Variants in LMO3 observed in about 807,000 individuals in gnomAD.
LMO3 encodes LIM domain only protein 3.
Under a neutral mutation model 15.8 loss-of-function variants are expected in LMO3, and 2 were observed. The observed-to-expected ratio is 0.13, with a 90% CI of 0.05 to 0.40. The LOEUF is 0.40. LMO3 is among the 10% of genes least tolerant of loss of function. LMO3 has a pLI of 0.99. For missense variants in LMO3, 86 were observed against 182.2 expected (o/e 0.47, Z 3.04); for synonymous variants, 62 against 63.8 (o/e 0.97, Z 0.13).
intron 1 of LMO3, chr12:16,605,323 G>A: frequency 1.7e-6 from 2 of 1,161,264 alleles, no homozygotes; most frequent in Non-Finnish European, 2.1e-6. Context: ...ACAGCAATCT[G>A]AGTAGTCCCC....
intron 1 of LMO3, chr12:16,605,807 T>A (rs1293700430): frequency 1.1e-5 from 17 of 1,535,424 alleles, no homozygotes; most frequent in Non-Finnish European, 1.4e-5. Flanking sequence ...CCTCCTTCCA[T>A]CAACATCTTC....
chr12:16,558,789 G>A (rs1942285779), intron 3 of LMO3, among the ~76,000 whole-genome samples: 1 of 152,110 alleles, frequency 6.6e-6, no homozygotes, highest in Non-Finnish European at 1.5e-5. Context: ...CAAGTTAATG[G>A]AATATTATTT....
rs528104157 is a variant in LMO3, at chr12:16,591,278, C to T, written c.206+9377G>A. 1.4e-4 allele frequency among the ~76,000 whole-genome samples: 21 copies of T among 152,068 alleles called. No homozygotes were observed. In the South Asian group the frequency reaches 3.1e-3, roughly 23 times the overall value. On this transcript the variant is annotated intron_variant, in intron 2 of 3. Transcript: ENST00000537304. This position sits in a 1 kb window ranked among gnomAD's most constrained non-coding sequence, Gnocchi z 4.1. ...CCTCAGGGCCTTTGTACTGGATGTT[C>T]CTGAGCCCAGAATGTCCTTCCCATA...
rs529341029 is a variant in LMO3, at chr12:16,555,850, G to T, written c.333-4523C>A. On this transcript the variant is annotated intron_variant, in intron 3 of 3. Transcript: ENST00000537304. The surrounding 1 kb of genome is among the most constrained non-coding windows in gnomAD (Gnocchi z 5.5). The stretch of plus-strand genomic sequence containing the variant: ...CCCTCATCTTCCCCAACCCCGAGCA[G>T]ACACACTTCCTGTAAGTCAACCAGT... Among the ~76,000 whole-genome samples, 4 of 152,224 alleles carry T rather than the reference G, an allele frequency of 2.6e-5. No homozygotes were observed. In the South Asian group the frequency reaches 8.3e-4, roughly 32 times the overall value.
At chr12:16,605,208 A>G in intron 1 of LMO3, 1 of 1,323,676 alleles carries the variant, frequency 7.6e-7, no homozygotes, top group Non-Finnish European at 9.7e-7. Flanking sequence ...GGCCCCTTTT[A>G]GCTTCCTGGT....
chr12:16,549,651 GA>G lies in LMO3; in HGVS notation c.*1570del, dbSNP rs1048610207. Reference sequence around the variant, plus strand: ...TGATCAAGAAAAAAACAAAGAAAAAGAAAACCCATAGCACTAAGTTTGCTGT... The same window carrying G: ...TGATCAAGAAAAAAACAAAGAAAAAGAAACCCATAGCACTAAGTTTGCTGT... On this transcript the variant is annotated 3_prime_UTR_variant, in exon 4 of 4. Coordinates refer to ENST00000537304, the MANE Select transcript of LMO3 (RefSeq NM_018640.5). 11 of 152,190 alleles carry G rather than the reference GA, an allele frequency of 7.2e-5. No homozygotes were observed. 9.4% of individuals were successfully genotyped at this position (152,190 alleles called of 1,614,324 possible). A position where few individuals can be genotyped will look rare whatever the true frequency, so the allele number is the denominator to read the frequency against.
In LMO3 at chr12:16,587,783, A is replaced by G. The variant is rs564196517; in HGVS notation, c.206+12872T>C. 6.6e-6 allele frequency among the ~76,000 whole-genome samples: 1 copy of G among 152,114 alleles called. No individual in the cohort carries two copies. The highest frequency in any genetic ancestry group is 1.9e-4 in the East Asian group (1 of 5,156). On this transcript the variant is annotated intron_variant, in intron 2 of 3. Transcript: ENST00000537304. The surrounding 1 kb of genome is among the most constrained non-coding windows in gnomAD (Gnocchi z 4.3). ...GGTTCTCTTAGCATTTATCTGTCTA[A>G]AAATCTCACTGTGTCCTGAATGGGG...
chr12:16,560,394 C>T lies in LMO3; in HGVS notation c.332+19G>A. 4 of 1,607,610 alleles carry T rather than the reference C, an allele frequency of 2.5e-6. No individual in the cohort carries two copies. The highest frequency in any genetic ancestry group is 3.4e-6 in the Non-Finnish European group (4 of 1,177,328). On this transcript the variant is annotated intron_variant, in intron 3 of 3. Coordinates refer to ENST00000537304, the MANE Select transcript of LMO3 (RefSeq NM_018640.5). This position sits in a 1 kb window ranked among gnomAD's most constrained non-coding sequence, Gnocchi z 5.0. ...GAGAGGTTAACCATTTCTTAGAGAC[C>T]AAAAAGAGACCTGCTTACCTCTGAT...
At position 16,605,436 on chromosome 12, in the gene LMO3, G is replaced by GCCCCCCCCCCCCC. The variant is rs56405071; in HGVS notation, c.-9+629_-9+630insGGGGGGGGGGGGG. ...TAGCCACTTCTGCCCCTACCCGCCT[G>GCCCCCCCCCCCCC]CCCCCCCCCCCCGCCCCCATGCCCA... On this transcript the variant is annotated intron_variant, in intron 1 of 3. Transcript: ENST00000537304. 14 of 372,618 alleles carry GCCCCCCCCCCCCC rather than the reference G, an allele frequency of 3.8e-5. No individual in the cohort carries two copies. The Admixed American group carries it at 5.1e-4, about 14-fold the overall frequency. 23.1% of individuals were successfully genotyped at this position (372,618 alleles called of 1,614,324 possible). A position where few individuals can be genotyped will look rare whatever the true frequency, so the allele number is the denominator to read the frequency against.
At chr12:16,595,092 A>G (rs1414398061) in intron 2 of LMO3, among the ~76,000 whole-genome samples, 2 of 151,530 alleles carry the variant, frequency 1.3e-5, no homozygotes, top group South Asian at 2.1e-4. Context: ...TAAGTCAGGT[A>G]TGTCTAACTT....
Position 16,598,890 on chromosome 12 carries a change from GT to G in LMO3, c.206+1764del, listed in dbSNP as rs1943738688. The G allele has an allele frequency of 7.1e-6, 2 of 282,272 alleles. No individual in the cohort carries two copies. Among genetic ancestry groups the G allele is most frequent in the South Asian group, 6.2e-5 (2 of 32,190 alleles). The allele number at this position is 282,272 out of a possible 1,614,324, so 17.5% of individuals were successfully genotyped here. On this transcript the variant is annotated intron_variant, in intron 2 of 3. Coordinates refer to ENST00000537304, the MANE Select transcript of LMO3 (RefSeq NM_018640.5). The surrounding 1 kb of genome is among the most constrained non-coding windows in gnomAD (Gnocchi z 4.3). ...AAGTTTACTTAATTTTTGTCCTTTG[GT>G]TTATTAAAACACCTTAACATTGCCC...
intron 2 of LMO3, among the ~76,000 whole-genome samples, chr12:16,564,573 C>A (rs576902682): frequency 6.6e-6 from 1 of 152,300 alleles, no homozygotes; most frequent in South Asian, 2.1e-4. Context: ...TTTTATTTCA[C>A]AGCACCAGAT....
At chr12:16,564,862 T>G (rs1351517131) in intron 2 of LMO3, among the ~76,000 whole-genome samples, 1 of 152,192 alleles carries the variant, frequency 6.6e-6, no homozygotes, top group Non-Finnish European at 1.5e-5. Flanking sequence ...CATGAGTCAC[T>G]GCAGCCTTGA....
rs1252689746 is a variant in LMO3 at position 16,555,947 on chromosome 12, G to A, written c.332+4466C>T. On this transcript the variant is annotated intron_variant, in intron 3 of 3. Transcript: ENST00000537304. This position sits in a 1 kb window ranked among gnomAD's most constrained non-coding sequence, Gnocchi z 5.5. ...CTTCCCTAACACTTCAAGAAGGATG[G>A]CTCTCTCTTCCCTCAGTATAGCTCT... Among the ~76,000 whole-genome samples the A allele has an allele frequency of 6.6e-6, 1 of 151,900 alleles. No individual in the cohort carries two copies. The highest frequency in any genetic ancestry group is 1.9e-4 in the East Asian group (1 of 5,176).
At chr12:16,590,823 C>A (rs903340308) in intron 2 of LMO3, among the ~76,000 whole-genome samples, 1 of 151,942 alleles carries the variant, frequency 6.6e-6, no homozygotes, top group African/African-American at 2.4e-5. Flanking sequence ...CTATATCATC[C>A]CCCTTAGATT....
rs1943885800 is a variant in LMO3 at position 16,603,309 on chromosome 12, A to AAATGG, written c.-8-2446_-8-2442dup. Among the ~76,000 whole-genome samples, 5 of 152,340 alleles carry AAATGG rather than the reference A, an allele frequency of 3.3e-5. No homozygotes were observed. The South Asian group carries it at 8.3e-4, about 25-fold the overall frequency. ...AAGAACATCATGGCAATTCTCTTGA[A>AAATGG]AATGGAATCTCTTGAATTCCATGCA... On this transcript the variant is annotated intron_variant, in intron 1 of 3. Coordinates refer to ENST00000537304, the MANE Select transcript of LMO3 (RefSeq NM_018640.5). This position sits in a 1 kb window ranked among gnomAD's most constrained non-coding sequence, Gnocchi z 4.9.
At chr12:16,605,752 TCC>T in intron 1 of LMO3, 1 of 1,534,750 alleles carries the variant, frequency 6.5e-7, no homozygotes, top group Non-Finnish European at 8.7e-7. Context: ...TTGACTATTA[TCC>T]ACTCGAGTCG....
chr12:16,598,688 C>A lies in LMO3; in HGVS notation c.206+1967G>T, dbSNP rs1943732555. 6.5e-6 allele frequency: 1 copy of A among 154,598 alleles called. No individual in the cohort carries two copies. Among genetic ancestry groups the A allele is most frequent in the Admixed American group, 6.5e-5 (1 of 15,406 alleles). 9.6% of individuals were successfully genotyped at this position (154,598 alleles called of 1,614,324 possible). On this transcript the variant is annotated intron_variant, in intron 2 of 3. Transcript: ENST00000537304. The surrounding 1 kb of genome is among the most constrained non-coding windows in gnomAD (Gnocchi z 4.3). ...GTTTTAGCAAAACACTTGAGACTAT[C>A]AAATATATTTTTACTACCACAAGGA...
In LMO3 at chr12:16,599,475, C is replaced by T. The variant is rs1290736834; in HGVS notation, c.206+1180G>A. ...TGACTGAAAATAGCTGAATTATATACTAAGAACGACCAAATTCCCTAGAAA... is the reference window on the plus strand; with the variant it reads ...TGACTGAAAATAGCTGAATTATATATTAAGAACGACCAAATTCCCTAGAAA... On this transcript the variant is annotated intron_variant, in intron 2 of 3. Coordinates refer to ENST00000537304, the MANE Select transcript of LMO3 (RefSeq NM_018640.5). The surrounding 1 kb of genome is among the most constrained non-coding windows in gnomAD (Gnocchi z 4.1). 2 of 152,202 alleles carry T rather than the reference C, an allele frequency of 1.3e-5. No individual in the cohort carries two copies. Among genetic ancestry groups the T allele is most frequent in the Middle Eastern group, 3.4e-3 (1 of 294 alleles). 9.4% of individuals were successfully genotyped at this position (152,202 alleles called of 1,614,324 possible). A position where few individuals can be genotyped will look rare whatever the true frequency, so the allele number is the denominator to read the frequency against.
Sources: gnomAD v4.1 joint callset for allele counts (sites outside exome capture counted in the v4.1 genomes callset) on GRCh38, gnomAD v4.1.1 for gene constraint, Gnocchi (gnomAD v3.1) non-coding constraint, MANE v1.5 for transcripts, NCBI Gene and HGNC (gene_info 2026-07-23, HGNC 2026-07-21) for gene names.